Variants in GRAMD1B observed in about 807,000 individuals in gnomAD.
GRAMD1B encodes the protein protein Aster-B.
A neutral mutation model predicts 99.7 loss-of-function variants in GRAMD1B; 37 were observed. The ratio of observed to expected loss-of-function variants is 0.37; its 90% CI spans 0.29 to 0.49. The LOEUF (loss-of-function observed/expected upper bound fraction) is 0.49, where lower values mean the gene tolerates loss of function less well. Among genes scored for constraint, GRAMD1B ranks in the 20% least tolerant of loss-of-function variants. The probability of loss-of-function intolerance (pLI) is 0.98; values close to 1 mark genes in which losing one functional copy is unlikely to be tolerated. For missense variants in GRAMD1B, 888 were observed against 1,009.2 expected, an observed-to-expected ratio of 0.88 and a Z score of 1.63; for synonymous variants, 427 against 387.6, an observed-to-expected ratio of 1.10 and a Z score of -1.19.
At chr11:123,533,351 G>A (rs1169129996) in intron 2 of GRAMD1B, among the ~76,000 whole-genome samples, 1 of 152,104 alleles carries the variant, frequency 6.6e-6, no homozygotes, top group African/African-American at 2.4e-5. Context: ...TACTGTAATG[G>A]TAATGTGATG....
chr11:123,613,175 G>A (rs748668938), intron 15 of GRAMD1B: 228 of 555,574 alleles, frequency 4.1e-4, no homozygotes, highest in Non-Finnish European at 5.1e-4. Context: ...TTTGTAAAAT[G>A]CCTGTGAATG....
At chr11:123,532,200 G>A (rs1424576912) in intron 2 of GRAMD1B, among the ~76,000 whole-genome samples, 3 of 152,160 alleles carry the variant, frequency 2.0e-5, no homozygotes, top group African/African-American at 7.2e-5. Flanking sequence ...TCAGGCTCTG[G>A]AAAACTCTCC....
rs1948842420 is a variant in GRAMD1B, at chr11:123,430,809, T to C, written c.17T>C (p.Met6Thr). The change falls in exon 1 of 20, where the codon ATG (methionine) becomes ACG (threonine). Residue 6 changes from methionine (M) to threonine (T), a missense_variant. Physicochemically the swap from Met to Thr is moderately conservative, Grantham distance 81. Around this residue, in one of 5 missense-constraint regions of GRAMD1B, gnomAD observed 233 missense variants for 154.6 expected, o/e 1.51. Transcript: ENST00000635736. MPAANMMENRPLPALQ... is the reference protein window; with the variant it reads MPAANTMENRPLPALQ... ...ACGGCCCCCATGCCGGCGGCCAACA[T>C]GATGGAGAACCGGCCGCTGCCCGCC... 1 of 690,878 alleles carries C rather than the reference T, an allele frequency of 1.4e-6. No homozygotes were observed. The highest frequency in any genetic ancestry group is 2.6e-6 in the Non-Finnish European group (1 of 380,048). 42.8% of individuals were successfully genotyped at this position (690,878 alleles called of 1,614,324 possible).
At chr11:123,380,196 C>T (rs1946826606) in intron 1 of GRAMD1B, among the ~76,000 whole-genome samples, 1 of 152,198 alleles carries the variant, frequency 6.6e-6, no homozygotes, top group Non-Finnish European at 1.5e-5. Context: ...GTCCAGTTCA[C>T]TCACCCTTTA....
At chr11:123,455,067 T>C (rs1473274227) in intron 1 of GRAMD1B, among the ~76,000 whole-genome samples, 1 of 152,212 alleles carries the variant, frequency 6.6e-6, no homozygotes, top group African/African-American at 2.4e-5. Flanking sequence ...CAATGACAAG[T>C]ATTGTTTGAA....
At chr11:123,421,684 T>A (rs1312389748) in intron 1 of GRAMD1B, among the ~76,000 whole-genome samples, 1 of 152,214 alleles carries the variant, frequency 6.6e-6, no homozygotes, top group Non-Finnish European at 1.5e-5. Context: ...TAATATATCT[T>A]CCAGAGGTAT....
intron 1 of GRAMD1B, among the ~76,000 whole-genome samples, chr11:123,469,389 G>T (rs1427931334): frequency 6.6e-6 from 1 of 152,158 alleles, no homozygotes; most frequent in Admixed American, 6.5e-5. Flanking sequence ...AGTAATCTGG[G>T]TGAGGAGTGA....
chr11:123,463,797 C>G (rs1445371958), intron 1 of GRAMD1B, among the ~76,000 whole-genome samples: 2 of 152,182 alleles, frequency 1.3e-5, no homozygotes, highest in Non-Finnish European at 2.9e-5. Context: ...GCACAACATG[C>G]ACGAAGTTGC....
chr11:123,534,523 G>A (rs1165067512), intron 2 of GRAMD1B, among the ~76,000 whole-genome samples: 2 of 152,102 alleles, frequency 1.3e-5, no homozygotes, highest in South Asian at 2.1e-4. Context: ...TGAAGGAGAT[G>A]GGATGTGGGT....
intron 1 of GRAMD1B, among the ~76,000 whole-genome samples, chr11:123,470,943 C>T (rs1337314850): frequency 6.6e-6 from 1 of 152,168 alleles, no homozygotes; most frequent in East Asian, 1.9e-4. Flanking sequence ...AGCCACGAGC[C>T]ACATATGGAT....
intron 1 of GRAMD1B, among the ~76,000 whole-genome samples, chr11:123,371,252 C>CA (rs1946519277): frequency 6.6e-6 from 1 of 151,990 alleles, no homozygotes; most frequent in South Asian, 2.1e-4. Flanking sequence ...GGGTAATCCC[C>CA]ACCATCTTGG....
At chr11:123,517,744 T>C (rs1426852643) in intron 2 of GRAMD1B, among the ~76,000 whole-genome samples, 4 of 152,228 alleles carry the variant, frequency 2.6e-5, no homozygotes, top group Non-Finnish European at 5.9e-5. Context: ...AGATTCTTAT[T>C]GTGTCCTTGG....
intron 2 of GRAMD1B, among the ~76,000 whole-genome samples, chr11:123,496,865 A>T (rs1030127604): frequency 6.6e-6 from 1 of 152,010 alleles, no homozygotes. Context: ...TCTCTGTGCT[A>T]TGTTAAATTT....
At chr11:123,619,500 T>G in intron 19 of GRAMD1B, 1 of 1,230,112 alleles carries the variant, frequency 8.1e-7, no homozygotes, top group Non-Finnish European at 1.0e-6. Context: ...TCTTTTTATT[T>G]TTATTTTTGG....
At chr11:123,609,743 G>A in intron 12 of GRAMD1B, 52 bp from the exon 13 acceptor site, 2 of 1,049,438 alleles carry the variant, frequency 1.9e-6, no homozygotes, top group Non-Finnish European at 2.9e-6. Flanking sequence ...CTTGGATTGG[G>A]GAGAGGGCTC....
intron 2 of GRAMD1B, among the ~76,000 whole-genome samples, chr11:123,529,755 G>A (rs1202459784): frequency 1.3e-5 from 2 of 152,140 alleles, no homozygotes; most frequent in Non-Finnish European, 2.9e-5. Context: ...TTCCTGTAGA[G>A]CCTTGGAACC....
rs1161452658 is a variant in GRAMD1B at position 123,480,877 on chromosome 11, C to T, written c.436C>T (p.Arg146Ter). 4 of 396,654 alleles carry T rather than the reference C, an allele frequency of 1.0e-5. No homozygotes were observed. Among genetic ancestry groups the T allele is most frequent in the Non-Finnish European group, 1.3e-5 (3 of 225,920 alleles). 24.6% of individuals were successfully genotyped at this position (396,654 alleles called of 1,614,324 possible). A position where few individuals can be genotyped will look rare whatever the true frequency, so the allele number is the denominator to read the frequency against. ...TGATTCTAGCAGGTTCCTGAGTCCT[C>T]GAGCGCGGGAAGAAAGGTAAGGTCC... ...DDDSSRFLSPRAREESTASNS... is the reference protein window; with the variant it reads ...DDDSSRFLSP Residue 146 changes from arginine (R) to a stop codon, truncating the protein, a stop_gained, in exon 2 of 20, where the codon CGA becomes TGA. Transcript: ENST00000635736. LOFTEE classifies it high-confidence loss of function.
At chr11:123,563,538 G>T (rs1325323201) in intron 2 of GRAMD1B, among the ~76,000 whole-genome samples, 4 of 150,748 alleles carry the variant, frequency 2.7e-5, no homozygotes, top group Admixed American at 6.6e-5. Flanking sequence ...TTGAGGCAAG[G>T]CCTCACTCTG....
At chr11:123,389,630 A>C (rs540478125) in intron 1 of GRAMD1B, among the ~76,000 whole-genome samples, 5 of 152,310 alleles carry the variant, frequency 3.3e-5, no homozygotes, top group African/African-American at 1.2e-4. Context: ...TTATGTATTA[A>C]TATTGATTGT....
Sources: allele counts gnomAD v4.1 joint callset (sites outside exome capture counted in the v4.1 genomes callset), GRCh38; gene constraint gnomAD v4.1.1; regional missense constraint gnomAD v4.1.1; transcripts MANE v1.5; gene names NCBI Gene and HGNC (gene_info 2026-07-23, HGNC 2026-07-21).